The following ADSL variants were observed in gnomAD, a reference collection of about 807,000 sequenced individuals.
ADSL encodes adenylosuccinate lyase, also known as adenylosuccinase.
Under a neutral mutation model 62.1 loss-of-function variants are expected in ADSL, and 44 were observed. The observed-to-expected ratio is 0.71, with a 90% CI of 0.56 to 0.91. The LOEUF is 0.91. Ranked by LOEUF, ADSL falls within the 40% of genes least tolerant of loss-of-function variation. The pLI, the probability that ADSL is intolerant of heterozygous loss-of-function variation, is 0.00. For synonymous variants in ADSL, 198 were observed against 220.5 expected, an observed-to-expected ratio of 0.90 and a Z score of 0.90; for missense variants, 531 against 627.4, an observed-to-expected ratio of 0.85 and a Z score of 1.64.
At chr22:40,375,561 CAA>C (rs1406523705) in intron 2 of ADSL, among the ~76,000 whole-genome samples, 2 of 146,390 alleles carry the variant, frequency 1.4e-5, no homozygotes, top group Non-Finnish European at 3.0e-5. Context: ...GCCTGGGTGA[CAA>C]GAGTGAAACT....
chr22:40,348,381 T>C, intron 1 of ADSL: 1 of 397,860 alleles, frequency 2.5e-6, no homozygotes, highest in Admixed American at 4.4e-5. Flanking sequence ...CTTTTTACTT[T>C]TATTTATATA....
At chr22:40,382,977 G>A (rs1258828395) in intron 2 of ADSL, among the ~76,000 whole-genome samples, 3 of 152,202 alleles carry the variant, frequency 2.0e-5, no homozygotes, top group Non-Finnish European at 4.4e-5. Context: ...GATTTCTTCA[G>A]AAAGTCCTGA....
intron 6 of ADSL, 100 bp downstream of exon 6, chr22:40,359,406 C>A: frequency 8.5e-7 from 1 of 1,177,804 alleles, no homozygotes; most frequent in Non-Finnish European, 1.3e-6. Context: ...CCTTTTTCTT[C>A]CTTTGTTCTT....
chr22:40,360,478 G>T lies in ADSL; in HGVS notation c.778G>T (p.Ala260Ser), dbSNP rs1338876500. 2 of 1,613,810 alleles carry T rather than the reference G, an allele frequency of 1.2e-6. No homozygotes were observed. The highest frequency in any genetic ancestry group is 1.7e-6 in the Non-Finnish European group (2 of 1,179,828). ...EVLSVLASLG[A>S]SVHKICTDIR... is the part of the protein sequence containing the mutation. ...ACTGTCTGTGCTGGCTAGCTTGGGG[G>T]CATCAGTGCACAAGGTGAGTGGTGG... The change falls in exon 7 of 13, where the codon GCA becomes TCA. Residue 260 changes from alanine (A) to serine (S), a missense_variant. Coordinates refer to ENST00000623063, the MANE Select transcript of ADSL (RefSeq NM_000026.4).
intron 11 of ADSL, 187 bp downstream of exon 11, chr22:40,364,552 T>C (rs1955239527): frequency 1.2e-5 from 8 of 691,224 alleles, no homozygotes; most frequent in South Asian, 1.6e-5. Context: ...TTAAAGTGAA[T>C]TACTTAATCA....
chr22:40,386,824 C>T (rs368903335), intron 2 of ADSL, among the ~76,000 whole-genome samples: 2 of 152,182 alleles, frequency 1.3e-5, no homozygotes, highest in East Asian at 1.9e-4. Context: ...CACCCCAGTA[C>T]TAAAGAAGTT....
downstream of ADSL, among the ~76,000 whole-genome samples, chr22:40,370,998 GGA>G (rs1288700092): frequency 6.6e-6 from 1 of 152,224 alleles, no homozygotes; most frequent in South Asian, 2.1e-4. Flanking sequence ...CTGGCAGCCG[GGA>G]GCGGTTTTAC....
intron 2 of ADSL, among the ~76,000 whole-genome samples, chr22:40,377,800 C>T (rs1231731307): frequency 6.7e-6 from 1 of 149,338 alleles, no homozygotes; most frequent in Non-Finnish European, 1.5e-5. Context: ...GAGCTGTGAT[C>T]GTGCCACTGT....
At chr22:40,382,300 A>C (rs1333137934) in intron 2 of ADSL, among the ~76,000 whole-genome samples, 2 of 152,178 alleles carry the variant, frequency 1.3e-5, no homozygotes, top group Admixed American at 1.3e-4. Context: ...TAAAGCAACA[A>C]TAATCATTTT....
rs1280553241 is a variant in ADSL at position 40,362,996 on chromosome 22, C to T, written c.1026C>T (p.Ala342=). 7.4e-6 allele frequency: 12 copies of T among 1,613,976 alleles called. No homozygotes were observed. The highest frequency in any genetic ancestry group is 4.5e-5 in the East Asian group (2 of 44,886). ...DDSANRRICL[A]EAFLTADTIL... ...TGTTTTCTAGACGGATCTGTTTGGC[C>T]GAGGCATTTCTTACCGCAGATACTA... Residue 342 remains alanine (A), a synonymous_variant, in exon 10 of 13, where the codon GCC becomes GCT. Transcript: ENST00000623063.
downstream of ADSL, chr22:40,370,684 G>C (rs2045216689): frequency 6.6e-6 from 1 of 152,630 alleles, no homozygotes; most frequent in South Asian, 2.1e-4. Flanking sequence ...TGGCCCGTGG[G>C]GCAGGTGAGT....
downstream of ADSL, among the ~76,000 whole-genome samples, chr22:40,372,358 C>G (rs547789137): frequency 1.6e-4 from 24 of 151,744 alleles, no homozygotes; most frequent in Middle Eastern, 3.5e-3. Context: ...ATCTCCTGAC[C>G]TCGTGATCTG....
chr22:40,386,392 C>T (rs76779700), intron 2 of ADSL, among the ~76,000 whole-genome samples: 5,019 of 152,094 alleles, frequency 0.033, 274 homozygotes, highest in African/African-American at 0.11. Context: ...GACGTATCTT[C>T]TGGGATTTCT....
In ADSL at chr22:40,366,875, G is replaced by A. The variant is rs2045023111; in HGVS notation, c.*353G>A. 6.4e-6 allele frequency: 2 copies of A among 310,930 alleles called. No individual in the cohort carries two copies. The highest frequency in any genetic ancestry group is 1.2e-5 in the Non-Finnish European group (2 of 161,868). 19.3% of individuals were successfully genotyped at this position (310,930 alleles called of 1,614,324 possible). A position where few individuals can be genotyped will look rare whatever the true frequency, so the allele number is the denominator to read the frequency against. On this transcript the variant is annotated 3_prime_UTR_variant, in exon 13 of 13. Coordinates refer to ENST00000623063, the MANE Select transcript of ADSL (RefSeq NM_000026.4). Reference sequence around the variant, plus strand: ...TAAAAGTGAATTTGATCTAGGTCTAGCAAAATAACCTGGACTCAGTGATTG... The same window carrying A: ...TAAAAGTGAATTTGATCTAGGTCTAACAAAATAACCTGGACTCAGTGATTG...
chr22:40,372,119 CCCCT>C (rs2045648813), downstream of ADSL, among the ~76,000 whole-genome samples: 1 of 120,594 alleles, frequency 8.3e-6, no homozygotes, highest in Non-Finnish European at 1.7e-5. Flanking sequence ...CTGTCCCCCC[CCCCT>C]TTTTTTTTTT....
At chr22:40,363,969 C>T (rs1034647961) in intron 10 of ADSL, among the ~76,000 whole-genome samples, 3 of 151,652 alleles carry the variant, frequency 2.0e-5, no homozygotes, top group East Asian at 1.9e-4. Flanking sequence ...CCCAGCTACT[C>T]GGGAGGCTGA....
intron 4 of ADSL, among the ~76,000 whole-genome samples, chr22:40,357,028 T>G (rs2044587735): frequency 6.6e-6 from 1 of 152,120 alleles, no homozygotes; most frequent in African/African-American, 2.4e-5. Context: ...CCCAAGTACC[T>G]GGGATTACAG....
chr22:40,346,631 G>T lies in ADSL; in HGVS notation c.73G>T (p.Glu25Ter), dbSNP rs757904153. ...TCTTGCCTCCCGCTATGCCAGCCCG[G>T]AGATGTGCTTCGTGTTTAGCGACAG... is the stretch of plus-strand genomic sequence containing the variant. ...SPLASRYASP[E>*]MCFVFSDRYK... The change falls in exon 1 of 13, where the codon GAG becomes TAG. Residue 25 changes from glutamate (E) to a stop codon, truncating the protein, a stop_gained. Transcript: ENST00000623063. LOFTEE classifies it high-confidence loss of function. 6 of 1,612,032 alleles carry T rather than the reference G, an allele frequency of 3.7e-6. No homozygotes were observed. Among genetic ancestry groups the T allele is most frequent in the Non-Finnish European group, 5.1e-6 (6 of 1,179,288 alleles).
chr22:40,365,128 A>G, intron 12 of ADSL, 72 bp downstream of exon 12: 1 of 1,499,408 alleles, frequency 6.7e-7, no homozygotes, highest in Non-Finnish European at 9.3e-7. Flanking sequence ...TTTTTGCTTT[A>G]TAGGAGGTAT....
Sources: allele counts gnomAD v4.1 joint callset (sites outside exome capture counted in the v4.1 genomes callset), GRCh38; gene constraint gnomAD v4.1.1; transcripts MANE v1.5; gene names NCBI Gene and HGNC (gene_info 2026-07-23, HGNC 2026-07-21).